Variants in PCSK5 observed in about 807,000 individuals in gnomAD.
PCSK5 encodes prohormone convertase 5.
Under a neutral mutation model 233.2 loss-of-function variants are expected in PCSK5, and 129 were observed. The ratio of observed to expected loss-of-function variants is 0.55; its 90% CI spans 0.48 to 0.64. The LOEUF is 0.64. Among genes scored for constraint, PCSK5 ranks in the 30% least tolerant of loss-of-function variants. PCSK5 has a pLI of 0.00. For missense variants in PCSK5, 2,076 were observed against 2,430.1 expected, an observed-to-expected ratio of 0.85 and a Z score of 3.06; for synonymous variants, 825 against 879.2, an observed-to-expected ratio of 0.94 and a Z score of 1.09.
chr9:76,239,695 CAA>C (rs61703191), intron 23 of PCSK5, among the ~76,000 whole-genome samples: 47 of 111,120 alleles, frequency 4.2e-4, no homozygotes, highest in East Asian at 7.6e-4. Flanking sequence ...GACTCCATCT[CAA>C]AAAAAAAAAA....
chr9:76,092,700 A>G (rs1241775910), intron 7 of PCSK5, among the ~76,000 whole-genome samples: 10 of 152,260 alleles, frequency 6.6e-5, no homozygotes, highest in Non-Finnish European at 1.5e-4. Context: ...CTCATCTGTA[A>G]AATGATGATA....
chr9:76,092,590 G>T (rs1360785976), intron 7 of PCSK5, among the ~76,000 whole-genome samples: 1 of 152,112 alleles, frequency 6.6e-6, no homozygotes, highest in Non-Finnish European at 1.5e-5. Flanking sequence ...TTAGAGACAA[G>T]GTCTCGCTAT....
At chr9:75,915,131 T>G (rs62555866) in intron 1 of PCSK5, among the ~76,000 whole-genome samples, 4,566 of 152,260 alleles carry the variant, frequency 0.03, 114 homozygotes, top group Non-Finnish European at 0.038. Context: ...GAGGCATGCA[T>G]AGTGATGACT....
intron 1 of PCSK5, among the ~76,000 whole-genome samples, chr9:75,904,790 C>T (rs1826189722): frequency 6.6e-6 from 1 of 152,208 alleles, no homozygotes; most frequent in South Asian, 2.1e-4. Context: ...CAGCAGTTCT[C>T]TCCTAAATGT....
Position 76,155,506 on chromosome 9 carries a change from CAT to C in PCSK5, c.1313-1536_1313-1535del, listed in dbSNP as rs1231419840. Among the ~76,000 whole-genome samples the C allele has an allele frequency of 1.8e-4, 27 of 152,292 alleles. No individual in the cohort carries two copies. In the South Asian group the frequency reaches 5.2e-3, roughly 29 times the overall value. On this transcript the variant is annotated intron_variant, in intron 10 of 37. Transcript: ENST00000674117. ...TTATAATGCAGCTGGAGTAAAAAGA[CAT>C]ATGCTGACAGAGAGAGTTAATTGGC...
intron 37 of PCSK5, among the ~76,000 whole-genome samples, chr9:76,355,412 G>A (rs963620459): frequency 5.3e-5 from 8 of 152,072 alleles, no homozygotes; most frequent in Non-Finnish European, 7.4e-5. Flanking sequence ...GGCAGAGCTC[G>A]CAGTGAGCCA....
chr9:76,156,904 G>A lies in PCSK5; in HGVS notation c.1313-141G>A, dbSNP rs1822609773. 2.5e-5 allele frequency: 17 copies of A among 668,630 alleles called. No homozygotes were observed. In the South Asian group the frequency reaches 3.0e-4, roughly 12 times the overall value. 41.4% of individuals were successfully genotyped at this position (668,630 alleles called of 1,614,324 possible). On this transcript the variant is annotated intron_variant, in intron 10 of 37. Coordinates refer to ENST00000674117, the MANE Select transcript of PCSK5 (RefSeq NM_001372043.1). ...ATTTTCTTGACATGACTATGTATTT[G>A]TTTTGCTGGATTTATTTCTCAAATC... is the stretch of plus-strand genomic sequence containing the variant.
At position 75,977,944 on chromosome 9, in the gene PCSK5, A is replaced by C. The variant is rs1826101365; in HGVS notation, c.298-8188A>C. Among the ~76,000 whole-genome samples, 2 of 152,112 alleles carry C rather than the reference A, an allele frequency of 1.3e-5. 1 individual carries two copies. Among genetic ancestry groups the C allele is most frequent in the Admixed American group, 1.3e-4 (2 of 15,276 alleles). ...GTTTCAAGTGGGTGTCAAACAGAGA[A>C]GGGGTCAATGAAACATTAAAAACAT... On this transcript the variant is annotated intron_variant, in intron 2 of 37. Coordinates refer to ENST00000674117, the MANE Select transcript of PCSK5 (RefSeq NM_001372043.1).
At position 76,027,029 on chromosome 9, in the gene PCSK5, C is replaced by T. The variant is rs140812686; in HGVS notation, c.624C>T (p.Asn208=). The change falls in exon 5 of 38, where the codon AAC becomes AAT. Residue 208 remains asparagine, a synonymous_variant. Coordinates refer to ENST00000674117, the MANE Select transcript of PCSK5 (RefSeq NM_001372043.1). Reference sequence around the variant, plus strand: ...CAATGCCTCGTTATGATGCAAGCAACGAGAACAAGTAAGGCCCAAGTGAGG... The same window carrying T: ...CAATGCCTCGTTATGATGCAAGCAATGAGAACAAGTAAGGCCCAAGTGAGG... The part of the protein sequence containing the change: ...LDPMPRYDAS[N]ENKHGTRCAG... 1,998 of 1,607,356 alleles carry T rather than the reference C, an allele frequency of 1.2e-3. 5 individuals are homozygous for T. Among genetic ancestry groups the T allele is most frequent in the Non-Finnish European group, 1.5e-3 (1,732 of 1,175,954 alleles).
At chr9:76,262,834 A>C (rs1827220378) in intron 24 of PCSK5, among the ~76,000 whole-genome samples, 1 of 151,712 alleles carries the variant, frequency 6.6e-6, no homozygotes, top group Admixed American at 6.6e-5. Flanking sequence ...ATCAGAGTGA[A>C]CAGGCAACCT....
chr9:76,127,872 C>G (rs1564047063), intron 9 of PCSK5, among the ~76,000 whole-genome samples: 1 of 115,978 alleles, frequency 8.6e-6, no homozygotes, highest in Non-Finnish European at 2.0e-5. Context: ...GCTGAGGAAA[C>G]AGAGACTTTC....
intron 9 of PCSK5, among the ~76,000 whole-genome samples, chr9:76,129,794 G>T (rs192660591): frequency 6.6e-6 from 1 of 152,256 alleles, no homozygotes; most frequent in East Asian, 1.9e-4. Context: ...TCTCTCTTAG[G>T]AGATGTCCTG....
intron 8 of PCSK5, among the ~76,000 whole-genome samples, chr9:76,102,633 C>T (rs1831810247): frequency 6.6e-6 from 1 of 152,126 alleles, no homozygotes; most frequent in Admixed American, 6.5e-5. Context: ...CACCTCTGGT[C>T]CCAACTATTT....
At chr9:76,182,889 G>A (rs756059869) in intron 16 of PCSK5, among the ~76,000 whole-genome samples, 1 of 152,164 alleles carries the variant, frequency 6.6e-6, no homozygotes, top group South Asian at 2.1e-4. Context: ...CAAGAAATCT[G>A]AAGTGAATAC....
At chr9:76,281,845 TG>T (rs1403440035) in intron 24 of PCSK5, among the ~76,000 whole-genome samples, 2 of 152,034 alleles carry the variant, frequency 1.3e-5, no homozygotes, top group Non-Finnish European at 2.9e-5. Flanking sequence ...GATGGGGTTT[TG>T]CCACGTTGCC....
intron 9 of PCSK5, among the ~76,000 whole-genome samples, chr9:76,108,683 G>A (rs1349414755): frequency 1.3e-5 from 2 of 152,152 alleles, no homozygotes; most frequent in Non-Finnish European, 2.9e-5. Context: ...CACCCAGTAG[G>A]CGGAGGTTGC....
chr9:75,963,645 C>T (rs1825449072), intron 2 of PCSK5, among the ~76,000 whole-genome samples: 1 of 152,198 alleles, frequency 6.6e-6, no homozygotes, highest in Non-Finnish European at 1.5e-5. Flanking sequence ...CTTCGGGAGG[C>T]CGAGGCGGGC....
chr9:76,122,876 G>C (rs1171938477), intron 9 of PCSK5, among the ~76,000 whole-genome samples: 1 of 143,204 alleles, frequency 7.0e-6, no homozygotes, highest in Non-Finnish European at 1.5e-5. Flanking sequence ...TGTTGCCCAG[G>C]ATGGAGTGTA....
At chr9:76,111,761 A>G (rs17062034) in intron 9 of PCSK5, among the ~76,000 whole-genome samples, 1,796 of 152,260 alleles carry the variant, frequency 0.012, 33 homozygotes, top group African/African-American at 0.038. Flanking sequence ...TAAATGAAAA[A>G]CCAAAATGAA....
Sources: allele counts gnomAD v4.1 joint callset (sites outside exome capture counted in the v4.1 genomes callset), GRCh38; gene constraint gnomAD v4.1.1; transcripts MANE v1.5; gene names NCBI Gene and HGNC (gene_info 2026-07-23, HGNC 2026-07-21).